The following CPED1 variants were observed in gnomAD, a reference collection of about 807,000 sequenced individuals.
The protein encoded by CPED1 is cadherin like and PC-esterase domain containing 1.
CPED1 carries 114 observed loss-of-function variants against 128.2 expected under a neutral mutation model. The ratio of observed to expected loss-of-function variants is 0.89; its 90% CI spans 0.76 to 1.04. CPED1 has a LOEUF of 1.04. Ranked by LOEUF, CPED1 falls within the 50% of genes least tolerant of loss-of-function variation. The pLI is 0.00. For missense variants in CPED1, 1,211 were observed against 1,207.1 expected, an observed-to-expected ratio of 1.00 and a Z score of -0.05; for synonymous variants, 462 against 426.7, an observed-to-expected ratio of 1.08 and a Z score of -1.02.
At chr7:120,994,324 C>T (rs1228027742) in intron 2 of CPED1, among the ~76,000 whole-genome samples, 4 of 152,088 alleles carry the variant, frequency 2.6e-5, no homozygotes, top group Non-Finnish European at 5.9e-5. Flanking sequence ...TTTCTCCTCC[C>T]GATATCTTTC....
intron 22 of CPED1, among the ~76,000 whole-genome samples, chr7:121,283,717 C>G (rs1792506956): frequency 1.3e-5 from 2 of 152,202 alleles, no homozygotes; most frequent in Non-Finnish European, 2.9e-5. Context: ...ACTGCTACCT[C>G]TGATTTCTTG....
chr7:121,013,067 T>C (rs1300127151), intron 2 of CPED1, among the ~76,000 whole-genome samples: 1 of 152,226 alleles, frequency 6.6e-6, no homozygotes, highest in Non-Finnish European at 1.5e-5. Context: ...ATGGGGATTC[T>C]GGATACAGTG....
intron 16 of CPED1, among the ~76,000 whole-genome samples, chr7:121,162,692 G>C (rs1412702638): frequency 1.3e-5 from 2 of 152,294 alleles, no homozygotes; most frequent in South Asian, 2.1e-4. Flanking sequence ...AATGTCATCT[G>C]TTTCCTCTCC....
chr7:121,033,169 TC>T (rs1431584246), intron 3 of CPED1, among the ~76,000 whole-genome samples: 5 of 152,224 alleles, frequency 3.3e-5, no homozygotes, highest in Non-Finnish European at 7.3e-5. Context: ...CCTCTCTTTT[TC>T]TTAGATTGAA....
intron 16 of CPED1, among the ~76,000 whole-genome samples, chr7:121,172,757 C>T (rs1185166172): frequency 2.6e-5 from 4 of 151,970 alleles, no homozygotes; most frequent in Admixed American, 6.6e-5. Context: ...ATGTCTAATT[C>T]TGCTAAAAAA....
intron 16 of CPED1, among the ~76,000 whole-genome samples, chr7:121,173,790 T>C (rs1246821894): frequency 6.6e-6 from 1 of 152,116 alleles, no homozygotes; most frequent in East Asian, 1.9e-4. Flanking sequence ...TGTTTTTAGC[T>C]CTTTGAGGAA....
chr7:121,138,605 AC>A (rs1795832540), intron 14 of CPED1, among the ~76,000 whole-genome samples: 1 of 152,050 alleles, frequency 6.6e-6, no homozygotes, highest in African/African-American at 2.4e-5. Flanking sequence ...AGGAGGGCAG[AC>A]CCCATTGAAA....
chr7:121,185,275 T>C (rs1796977854), intron 16 of CPED1, among the ~76,000 whole-genome samples: 1 of 152,144 alleles, frequency 6.6e-6, no homozygotes, highest in South Asian at 2.1e-4. Context: ...TGTATCTCTA[T>C]ACAGAGATGG....
At chr7:121,062,396 A>G (rs1793696127) in intron 4 of CPED1, among the ~76,000 whole-genome samples, 2 of 152,250 alleles carry the variant, frequency 1.3e-5, no homozygotes, top group South Asian at 4.1e-4. Context: ...ACTACATTGT[A>G]AAAGTCCATA....
intron 3 of CPED1, among the ~76,000 whole-genome samples, chr7:121,027,906 C>T (rs1356871649): frequency 6.6e-6 from 1 of 152,016 alleles, no homozygotes; most frequent in Non-Finnish European, 1.5e-5. Flanking sequence ...AACATTCCAC[C>T]TCCTTATCAG....
chr7:121,031,451 C>G (rs571087042), intron 3 of CPED1, among the ~76,000 whole-genome samples: 1 of 152,284 alleles, frequency 6.6e-6, no homozygotes, highest in African/African-American at 2.4e-5. Context: ...CCACACCCAG[C>G]TAATTTTTGT....
chr7:121,004,035 T>C (rs544974981), intron 2 of CPED1, among the ~76,000 whole-genome samples: 1 of 152,208 alleles, frequency 6.6e-6, no homozygotes, highest in Non-Finnish European at 1.5e-5. Flanking sequence ...GCAACGTTTC[T>C]CTGGGTTTGC....
intron 15 of CPED1, 71 bp downstream of exon 15, chr7:121,141,084 A>G (rs1795892041): frequency 7.8e-7 from 1 of 1,279,036 alleles, no homozygotes; most frequent in Non-Finnish European, 1.0e-6. Context: ...AAACTTTGAA[A>G]GTGGTTCAGA....
At chr7:121,198,349 A>G (rs944705534) in intron 16 of CPED1, among the ~76,000 whole-genome samples, 2 of 152,102 alleles carry the variant, frequency 1.3e-5, no homozygotes, top group African/African-American at 4.8e-5. Context: ...ATAAAAGCTC[A>G]TTTTTATGGT....
chr7:121,269,684 C>T (rs889863536), intron 21 of CPED1, among the ~76,000 whole-genome samples: 8 of 152,016 alleles, frequency 5.3e-5, no homozygotes, highest in African/African-American at 1.9e-4. Flanking sequence ...CAATAATAGC[C>T]ATTCTGACTG....
intron 18 of CPED1, among the ~76,000 whole-genome samples, chr7:121,253,113 C>A (rs1326285139): frequency 1.3e-5 from 2 of 151,796 alleles, no homozygotes; most frequent in African/African-American, 4.8e-5. Flanking sequence ...ACATATACAC[C>A]ATGGAATATG....
rs374567510 is a variant in CPED1, at chr7:120,989,893, G to A, written c.249+23G>A. The A allele has an allele frequency of 3.1e-6, 5 of 1,612,142 alleles. No individual in the cohort carries two copies. The African/African-American group carries it at 4.0e-5, about 13-fold the overall frequency. ...AAGGTAAGACTCTCATAAGCTTAAC[G>A]GAGACAGTTTCTGCAAAGACAGCAA... is the stretch of plus-strand genomic sequence containing the variant. On this transcript the variant is annotated intron_variant, in intron 2 of 22. Transcript: ENST00000310396.
chr7:121,024,369 C>T (rs913052694), intron 3 of CPED1, among the ~76,000 whole-genome samples: 5 of 152,154 alleles, frequency 3.3e-5, no homozygotes, highest in African/African-American at 1.2e-4. Context: ...GCCAGTGTCT[C>T]GTTTTTACTC....
At chr7:121,135,761 G>A (rs10953928) in intron 13 of CPED1, among the ~76,000 whole-genome samples, 51,124 of 151,860 alleles carry the variant, frequency 0.34, 8,980 homozygotes, top group Middle Eastern at 0.49. Context: ...GGATATAAAA[G>A]CTATAAGGAA....
Sources: gnomAD v4.1 joint callset for allele counts (sites outside exome capture counted in the v4.1 genomes callset) on GRCh38, gnomAD v4.1.1 for gene constraint, MANE v1.5 for transcripts, NCBI Gene and HGNC (gene_info 2026-07-23, HGNC 2026-07-21) for gene names.